The following WDR41 variants were observed in gnomAD, a reference collection of about 807,000 sequenced individuals.
WDR41 encodes the protein WD repeat-containing protein 41.
In WDR41, 63 loss-of-function variants were observed where a neutral mutation model predicts 69.3. The observed-to-expected ratio is 0.91, with a 90% confidence interval of 0.74 to 1.12. The LOEUF is 1.12. WDR41 is among the 50% of genes most tolerant of loss of function. WDR41 has a pLI of 0.00. For missense variants in WDR41, 543 were observed against 534.5 expected (o/e 1.02, Z -0.16); for synonymous variants, 185 against 192.1 (o/e 0.96, Z 0.31).
chr5:77,514,530 C>T (rs559412686), intron 1 of WDR41, among the ~76,000 whole-genome samples: 2 of 152,254 alleles, frequency 1.3e-5, no homozygotes, highest in East Asian at 3.9e-4. Flanking sequence ...TCTATGAGAA[C>T]CAAGACCATG....
At chr5:77,464,436 G>A (rs1051659248) in intron 3 of WDR41, among the ~76,000 whole-genome samples, 2 of 151,636 alleles carry the variant, frequency 1.3e-5, no homozygotes, top group East Asian at 1.9e-4. Flanking sequence ...TAGTAGAGAC[G>A]GGGTCTTGCT....
intron 1 of WDR41, among the ~76,000 whole-genome samples, chr5:77,570,146 A>G (rs1230469810): frequency 3.9e-5 from 6 of 152,070 alleles, no homozygotes; most frequent in African/African-American, 1.4e-4. Context: ...CAACACAGCT[A>G]TTTGATATTT....
intron 2 of WDR41, among the ~76,000 whole-genome samples, chr5:77,473,606 TAAAC>T (rs1435077189): frequency 6.6e-6 from 1 of 151,782 alleles, no homozygotes; most frequent in Non-Finnish European, 1.5e-5. Flanking sequence ...AAGAAAAAAA[TAAAC>T]AACCCTATCA....
rs559879743 is a variant in WDR41, at chr5:77,600,937, G to T, written c.42+19542C>A. Among the ~76,000 whole-genome samples, 10 of 151,164 alleles carry T rather than the reference G, an allele frequency of 6.6e-5. No individual in the cohort carries two copies. In the South Asian group the frequency reaches 2.1e-3, roughly 32 times the overall value. On this transcript the variant is annotated intron_variant, in intron 1 of 5. Coordinates refer to the WDR41 transcript ENST00000509971. ...TATCTAACTCTGTGTGTATGTGTGT[G>T]TGTGTGTGTGTGTGTGTGTGTGTGT...
At chr5:77,594,526 T>C (rs1374391113) in intron 1 of WDR41, among the ~76,000 whole-genome samples, 1 of 152,200 alleles carries the variant, frequency 6.6e-6, no homozygotes, top group Non-Finnish European at 1.5e-5. Flanking sequence ...TTAAAATTTC[T>C]AACAATGGTA....
chr5:77,560,931 C>T (rs1743511693), intron 1 of WDR41, among the ~76,000 whole-genome samples: 1 of 152,094 alleles, frequency 6.6e-6, no homozygotes, highest in Non-Finnish European at 1.5e-5. Flanking sequence ...ACTTCTTCAC[C>T]AGCTAGTGTA....
At chr5:77,558,054 G>A (rs1277627620) in intron 1 of WDR41, among the ~76,000 whole-genome samples, 1 of 135,454 alleles carries the variant, frequency 7.4e-6, no homozygotes, top group Non-Finnish European at 1.5e-5. Flanking sequence ...TAAGTAGGGA[G>A]GGAAGAAATG....
intron 1 of WDR41, among the ~76,000 whole-genome samples, chr5:77,561,759 C>A (rs1446429590): frequency 6.6e-6 from 1 of 152,032 alleles, no homozygotes; most frequent in African/African-American, 2.4e-5. Flanking sequence ...AGCAAGAAAT[C>A]AAATGAAAAC....
chr5:77,526,916 C>T (rs1802458585), intron 1 of WDR41, among the ~76,000 whole-genome samples: 1 of 152,038 alleles, frequency 6.6e-6, no homozygotes. Context: ...CCAGTGCTTC[C>T]AATAGCTATC....
chr5:77,453,924 A>G lies in WDR41; in HGVS notation c.416T>C (p.Leu139Ser), dbSNP rs1337075029. 1 of 1,612,134 alleles carries G rather than the reference A, an allele frequency of 6.2e-7. No individual in the cohort carries two copies. Among genetic ancestry groups the G allele is most frequent in the Non-Finnish European group, 8.5e-7 (1 of 1,178,280 alleles). ...ISCFQSTVKC[L>S]TVLQRLDVWL... is the part of the protein sequence containing the mutation. ...AACATCTAGTCTCTGAAGAACAGTT[A>G]AACACTGCAAAATTTATTTGAAATG... Residue 139 changes from leucine (L) to serine (S), a missense_variant, in exon 6 of 13, where the codon TTA becomes TCA. Physicochemically the swap from Leu to Ser is moderately radical, Grantham distance 145. Transcript: ENST00000296679.
At chr5:77,475,452 C>T (rs986828523) in intron 2 of WDR41, among the ~76,000 whole-genome samples, 2 of 152,200 alleles carry the variant, frequency 1.3e-5, no homozygotes, top group Non-Finnish European at 2.9e-5. Flanking sequence ...CAGTGGTTCT[C>T]CCAGCACGCA....
At chr5:77,543,498 A>C (rs527499867) in intron 1 of WDR41, among the ~76,000 whole-genome samples, 2 of 152,236 alleles carry the variant, frequency 1.3e-5, no homozygotes, top group Admixed American at 1.3e-4. Context: ...CACTTATAGA[A>C]ATGCAAAATG....
chr5:77,522,543 G>A (rs1313144839), intron 1 of WDR41, among the ~76,000 whole-genome samples: 1 of 152,136 alleles, frequency 6.6e-6, no homozygotes, highest in African/African-American at 2.4e-5. Flanking sequence ...AGGAGGCTAA[G>A]GTGGGAGAAT....
intron 2 of WDR41, among the ~76,000 whole-genome samples, chr5:77,482,498 G>C (rs1801316895): frequency 6.6e-6 from 1 of 151,146 alleles, no homozygotes. Flanking sequence ...CACCTGTCTT[G>C]TCGAGTTCTC....
At chr5:77,444,357 A>G (rs991392286) in intron 8 of WDR41, among the ~76,000 whole-genome samples, 3 of 152,202 alleles carry the variant, frequency 2.0e-5, no homozygotes, top group Non-Finnish European at 4.4e-5. Flanking sequence ...CATCCCTCAC[A>G]AGTACTAGTA....
chr5:77,581,037 T>C (rs888872555), intron 1 of WDR41, among the ~76,000 whole-genome samples: 3 of 151,868 alleles, frequency 2.0e-5, no homozygotes. Context: ...GCAGTAATAA[T>C]ATTAAACATA....
intron 1 of WDR41, among the ~76,000 whole-genome samples, chr5:77,516,503 C>T (rs762628889): frequency 1.3e-5 from 2 of 152,068 alleles, no homozygotes; most frequent in African/African-American, 2.4e-5. Flanking sequence ...ATAAGAGTGC[C>T]ATAATAGAAG....
chr5:77,496,745 A>G (rs560064112), upstream of WDR41, among the ~76,000 whole-genome samples: 4 of 152,208 alleles, frequency 2.6e-5, no homozygotes, highest in African/African-American at 9.6e-5. Flanking sequence ...CTTGTTCCTA[A>G]AAATGGAAAA....
chr5:77,543,819 C>G (rs977559919), intron 1 of WDR41, among the ~76,000 whole-genome samples: 1 of 152,090 alleles, frequency 6.6e-6, no homozygotes, highest in African/African-American at 2.4e-5. Flanking sequence ...CTGGGAAATT[C>G]ATCACAAAAA....
Sources: allele counts gnomAD v4.1 joint callset (sites outside exome capture counted in the v4.1 genomes callset), GRCh38; gene constraint gnomAD v4.1.1; transcripts MANE v1.5; gene names NCBI Gene and HGNC (gene_info 2026-07-23, HGNC 2026-07-21).